GALNT13: variants seen among roughly 807,000 people sequenced by gnomAD.
GALNT13 encodes the protein polypeptide N-acetylgalactosaminyltransferase 13, also known as UDP-GalNAc:polypeptide N-acetylgalactosaminyltransferase 13.
Under a neutral mutation model 64.2 loss-of-function variants are expected in GALNT13, and 28 were observed. That is an observed-to-expected ratio of 0.44 (90% CI 0.32 to 0.60). GALNT13 has a LOEUF of 0.60. Ranked by LOEUF, GALNT13 falls within the 20% of genes least tolerant of loss-of-function variation. The pLI, the probability that GALNT13 is intolerant of heterozygous loss-of-function variation, is 0.05. For missense variants in GALNT13, 577 were observed against 669.8 expected, an observed-to-expected ratio of 0.86 and a Z score of 1.53; for synonymous variants, 214 against 224.6, an observed-to-expected ratio of 0.95 and a Z score of 0.42.
intron 12 of GALNT13, chr2:154,445,987 C>A (rs768167283): frequency 2.5e-6 from 1 of 404,228 alleles, no homozygotes; most frequent in Non-Finnish European, 4.8e-6. Flanking sequence ...CTTTTTCCTC[C>A]CTTCATTATC....
the GALNT13 span, among the ~76,000 whole-genome samples, chr2:153,127,314 C>T: frequency 6.6e-6 from 1 of 152,126 alleles, no homozygotes; most frequent in Non-Finnish European, 1.5e-5. Context: ...GGCATTTGGG[C>T]ATCAGATTTT....
the GALNT13 span, among the ~76,000 whole-genome samples, chr2:153,439,498 C>G: frequency 2.0e-5 from 3 of 152,294 alleles, no homozygotes; most frequent in African/African-American, 4.8e-5. Context: ...CTTTGTTTAC[C>G]TACTCAAGCC....
the GALNT13 span, among the ~76,000 whole-genome samples, chr2:153,676,070 C>G: frequency 6.6e-6 from 1 of 151,586 alleles, no homozygotes; most frequent in African/African-American, 2.4e-5. Context: ...TCAATGAAAT[C>G]AAAAATTAGT....
intron 8 of GALNT13, among the ~76,000 whole-genome samples, chr2:154,274,112 T>A (rs563112899): frequency 2.1e-4 from 32 of 152,190 alleles, no homozygotes; most frequent in East Asian, 7.7e-4. Flanking sequence ...AATATTCACA[T>A]ACCTAAACCT....
the GALNT13 span, among the ~76,000 whole-genome samples, chr2:153,438,187 A>G: frequency 1.3e-5 from 2 of 152,064 alleles, no homozygotes; most frequent in Admixed American, 1.3e-4. Flanking sequence ...GTTTCTGCTG[A>G]GAGATCAGCT....
At chr2:153,828,777 A>G in the GALNT13 span, among the ~76,000 whole-genome samples, 2 of 152,268 alleles carry the variant, frequency 1.3e-5, no homozygotes, top group South Asian at 4.1e-4. Context: ...TTTCTATTCT[A>G]TTGTATTTTC....
intron 4 of GALNT13, among the ~76,000 whole-genome samples, chr2:154,201,907 T>A (rs1687192147): frequency 6.6e-6 from 1 of 152,154 alleles, no homozygotes; most frequent in African/African-American, 2.4e-5. Context: ...TCTTTGATTC[T>A]TCCTTGATGC....
At chr2:154,123,066 G>A (rs911429491) in intron 3 of GALNT13, among the ~76,000 whole-genome samples, 3 of 151,914 alleles carry the variant, frequency 2.0e-5, no homozygotes, top group African/African-American at 7.2e-5. Context: ...AAGGAAAAAT[G>A]AATAATTTCA....
At chr2:153,317,546 T>C in the GALNT13 span, among the ~76,000 whole-genome samples, 805 of 152,260 alleles carry the variant, frequency 5.3e-3, 13 homozygotes, top group Non-Finnish European at 5.6e-3. Context: ...CAATATTCTA[T>C]GAGAAATTAA....
chr2:153,758,148 C>A, the GALNT13 span, among the ~76,000 whole-genome samples: 2 of 152,032 alleles, frequency 1.3e-5, no homozygotes, highest in Non-Finnish European at 2.9e-5. Context: ...CAGTTTGAGT[C>A]GCTTTTGTAT....
chr2:153,251,803 T>A, the GALNT13 span, among the ~76,000 whole-genome samples: 1 of 151,964 alleles, frequency 6.6e-6, no homozygotes, highest in Non-Finnish European at 1.5e-5. Context: ...CATGAACTCA[T>A]CATTTTTTAT....
chr2:153,928,489 T>G (rs2105351338), intron 2 of GALNT13, among the ~76,000 whole-genome samples: 1 of 152,274 alleles, frequency 6.6e-6, no homozygotes, highest in Middle Eastern at 3.4e-3. Flanking sequence ...ATCTCTAGTT[T>G]TATATCTACT....
At chr2:154,027,371 T>C (rs1698045184) in intron 3 of GALNT13, among the ~76,000 whole-genome samples, 1 of 152,146 alleles carries the variant, frequency 6.6e-6, no homozygotes, top group Non-Finnish European at 1.5e-5. Context: ...TTTTCCATAT[T>C]CAGTAGATTG....
intron 12 of GALNT13, chr2:154,445,934 A>G: frequency 1.7e-6 from 1 of 586,998 alleles, no homozygotes; most frequent in Non-Finnish European, 2.8e-6. Flanking sequence ...TAAATTAATT[A>G]ATTAAAATTG....
the GALNT13 span, among the ~76,000 whole-genome samples, chr2:153,763,479 C>A: frequency 6.6e-6 from 1 of 152,114 alleles, no homozygotes; most frequent in Non-Finnish European, 1.5e-5. Flanking sequence ...CTTATGAGAT[C>A]TGATTGTTTT....
At chr2:153,932,632 T>C (rs1220036327) in intron 2 of GALNT13, among the ~76,000 whole-genome samples, 1 of 145,318 alleles carries the variant, frequency 6.9e-6, no homozygotes. Context: ...CTTTCTTTTT[T>C]TTTTTTTTTT....
intron 9 of GALNT13, among the ~76,000 whole-genome samples, chr2:154,319,492 C>T (rs1031449886): frequency 1.3e-5 from 2 of 151,678 alleles, no homozygotes; most frequent in Non-Finnish European, 2.9e-5. Context: ...GTGGTGAAAC[C>T]CCATCTCTAC....
At chr2:154,329,440 A>G (rs1401441214) in intron 9 of GALNT13, among the ~76,000 whole-genome samples, 2 of 152,170 alleles carry the variant, frequency 1.3e-5, no homozygotes, top group African/African-American at 2.4e-5. Context: ...GATTAAAGTT[A>G]TTTTTAAAAC....
the GALNT13 span, among the ~76,000 whole-genome samples, chr2:153,248,488 A>G: frequency 7.2e-6 from 1 of 139,056 alleles, no homozygotes; most frequent in East Asian, 2.0e-4. Context: ...TAGATGCAGA[A>G]AAGGCGTGAG....
Sources: allele counts gnomAD v4.1 joint callset (sites outside exome capture counted in the v4.1 genomes callset), GRCh38; gene constraint gnomAD v4.1.1; transcripts MANE v1.5; gene names NCBI Gene and HGNC (gene_info 2026-07-23, HGNC 2026-07-21).